CLDN16: variants seen among roughly 807,000 people sequenced by gnomAD.
The protein encoded by CLDN16 is claudin-16.
In CLDN16, 13 loss-of-function variants were observed where a neutral mutation model predicts 24.6. The observed-to-expected ratio is 0.53, with a 90% confidence interval of 0.34 to 0.84. CLDN16 has a LOEUF of 0.84. Ranked by LOEUF, CLDN16 falls within the 40% of genes least tolerant of loss-of-function variation. The pLI, the probability that CLDN16 is intolerant of heterozygous loss-of-function variation, is 0.01. For missense variants in CLDN16, 298 were observed against 292.7 expected, an observed-to-expected ratio of 1.02 and a Z score of -0.13; for synonymous variants, 116 against 106.7, an observed-to-expected ratio of 1.09 and a Z score of -0.54.
At chr3:190,314,937 C>T in the CLDN16 span, among the ~76,000 whole-genome samples, 4 of 152,016 alleles carry the variant, frequency 2.6e-5, no homozygotes, top group Non-Finnish European at 4.4e-5. Flanking sequence ...ACATGTTCCA[C>T]GGACCACAGG....
upstream of CLDN16, chr3:190,322,504 C>CG: frequency 2.5e-6 from 1 of 398,590 alleles, no homozygotes. Context: ...CCCCGGCAGC[C>CG]GGGGAGCGCC....
intron 1 of CLDN16, among the ~76,000 whole-genome samples, chr3:190,340,196 C>A (rs1473636188): frequency 2.0e-5 from 3 of 152,178 alleles, no homozygotes; most frequent in African/African-American, 7.2e-5. Context: ...GGAAAACCCA[C>A]AGCTAACATA....
At chr3:190,369,639 A>G (rs972142287) in intron 1 of CLDN16, among the ~76,000 whole-genome samples, 2 of 152,006 alleles carry the variant, frequency 1.3e-5, no homozygotes, top group African/African-American at 4.8e-5. Flanking sequence ...TTAGTTTTAT[A>G]TCATTTAAAA....
At chr3:190,343,062 A>C (rs1717472808) in intron 1 of CLDN16, among the ~76,000 whole-genome samples, 1 of 152,202 alleles carries the variant, frequency 6.6e-6, no homozygotes, top group East Asian at 1.9e-4. Context: ...ATCATGTATC[A>C]GAGAAAGGGT....
chr3:190,392,528 G>A (rs1718706667), intron 1 of CLDN16, among the ~76,000 whole-genome samples: 1 of 152,070 alleles, frequency 6.6e-6, no homozygotes, highest in South Asian at 2.1e-4. Flanking sequence ...GTAGTGAGTG[G>A]GACAAATAGG....
At chr3:190,375,213 G>A (rs1040485824) in intron 3 of CLDN16, among the ~76,000 whole-genome samples, 3 of 151,900 alleles carry the variant, frequency 2.0e-5, no homozygotes, top group African/African-American at 4.8e-5. Flanking sequence ...ATTCCTTAAG[G>A]TCAAAGAAAT....
chr3:190,388,117 A>G (rs200322099), upstream of CLDN16: 6 of 1,613,748 alleles, frequency 3.7e-6, no homozygotes. Flanking sequence ...GTTGCTTCGG[A>G]TAATGACCTC....
At chr3:190,317,159 A>G in the CLDN16 span, among the ~76,000 whole-genome samples, 1 of 152,184 alleles carries the variant, frequency 6.6e-6, no homozygotes, top group Non-Finnish European at 1.5e-5. Context: ...TGATTAGAAC[A>G]AACCTAGGAA....
chr3:190,405,767 G>A (rs564503759), intron 3 of CLDN16, among the ~76,000 whole-genome samples: 1 of 152,130 alleles, frequency 6.6e-6, no homozygotes, highest in African/African-American at 2.4e-5. Flanking sequence ...TCTGAGGACT[G>A]GTCAAGCATA....
At chr3:190,307,615 A>C in the CLDN16 span, 1 of 152,320 alleles carries the variant, frequency 6.6e-6, no homozygotes, top group Admixed American at 6.5e-5. Context: ...TAGATTCAGG[A>C]GATAGAGACC....
intron 1 of CLDN16, among the ~76,000 whole-genome samples, chr3:190,400,587 C>G (rs568450204): frequency 6.6e-6 from 1 of 152,326 alleles, no homozygotes; most frequent in South Asian, 2.1e-4. Flanking sequence ...GTTTAACTTT[C>G]TATTCCTGGC....
At chr3:190,407,487 A>T (rs933755843) in intron 3 of CLDN16, among the ~76,000 whole-genome samples, 1 of 152,204 alleles carries the variant, frequency 6.6e-6, no homozygotes, top group African/African-American at 2.4e-5. Context: ...GGCATTGAGC[A>T]TGTGGAGAGT....
At chr3:190,349,398 G>C (rs998483587) in intron 1 of CLDN16, among the ~76,000 whole-genome samples, 9 of 152,136 alleles carry the variant, frequency 5.9e-5, no homozygotes, top group Middle Eastern at 6.3e-3. Flanking sequence ...AGGCCCCCCA[G>C]CCATGCTTCC....
chr3:190,409,246 G>GCA (rs1560100149), intron 4 of CLDN16, among the ~76,000 whole-genome samples: 30 of 151,730 alleles, frequency 2.0e-4, no homozygotes, highest in African/African-American at 5.6e-4. Flanking sequence ...ATGCACACAC[G>GCA]TATATGCATG....
At chr3:190,401,637 TC>T (rs112189107) in intron 1 of CLDN16, among the ~76,000 whole-genome samples, 268 of 152,236 alleles carry the variant, frequency 1.8e-3, no homozygotes, top group African/African-American at 6.0e-3. Flanking sequence ...ATTCTTAGAG[TC>T]ATCTGCACAT....
intron 1 of CLDN16, among the ~76,000 whole-genome samples, chr3:190,370,445 A>G (rs964772396): frequency 6.6e-6 from 1 of 151,986 alleles, no homozygotes; most frequent in African/African-American, 2.4e-5. Flanking sequence ...CTTGGTTATC[A>G]TCACTACCAA....
chr3:190,294,050 C>A, the CLDN16 span, among the ~76,000 whole-genome samples: 3 of 152,150 alleles, frequency 2.0e-5, no homozygotes, highest in Non-Finnish European at 4.4e-5. Context: ...AAAGTCTTGA[C>A]AGAATGTCAG....
intron 1 of CLDN16, among the ~76,000 whole-genome samples, chr3:190,362,949 T>C (rs775036425): frequency 6.6e-5 from 10 of 152,024 alleles, no homozygotes; most frequent in Non-Finnish European, 1.2e-4. Flanking sequence ...ATGTGTACTT[T>C]GTATTTTTTC....
chr3:190,295,050 T>C, the CLDN16 span, among the ~76,000 whole-genome samples: 1 of 152,068 alleles, frequency 6.6e-6, no homozygotes, highest in Non-Finnish European at 1.5e-5. Context: ...TTATAAAAAT[T>C]AAGACAATTT....
Sources: gnomAD v4.1 joint callset for allele counts (sites outside exome capture counted in the v4.1 genomes callset) on GRCh38, gnomAD v4.1.1 for gene constraint, MANE v1.5 for transcripts, NCBI Gene and HGNC (gene_info 2026-07-23, HGNC 2026-07-21) for gene names.